FGFR2: variants seen among roughly 807,000 people sequenced by gnomAD.
The protein encoded by FGFR2 is BEK fibroblast growth factor receptor.
Under a neutral mutation model 95.9 loss-of-function variants are expected in FGFR2, and 19 were observed. The observed-to-expected ratio is 0.20, with a 90% confidence interval of 0.14 to 0.29. FGFR2 has a LOEUF of 0.29. FGFR2 is among the 10% of genes least tolerant of loss of function. The pLI is 1.00. For synonymous variants in FGFR2, 392 were observed against 393.3 expected (o/e 1.00, Z 0.04); for missense variants, 707 against 1,056.9 (o/e 0.67, Z 4.59).
chr10:121,483,932 A>AT (rs1422720695), intron 16 of FGFR2, 129 bp from the exon 17 acceptor site: 4 of 702,700 alleles, frequency 5.7e-6, no homozygotes, highest in Non-Finnish European at 1.0e-5. Flanking sequence ...AAGCAACTAG[A>AT]TTAGGGGGTC....
At chr10:121,482,818 A>G (rs1160904563) in intron 17 of FGFR2, among the ~76,000 whole-genome samples, 1 of 152,164 alleles carries the variant, frequency 6.6e-6, no homozygotes, top group African/African-American at 2.4e-5. Context: ...TTTCTTTTTG[A>G]GATGAAGTCT....
intron 2 of FGFR2, among the ~76,000 whole-genome samples, chr10:121,587,727 A>C (rs1382389077): frequency 6.6e-6 from 1 of 152,232 alleles, no homozygotes; most frequent in Non-Finnish European, 1.5e-5. Flanking sequence ...GCTATTAATA[A>C]AACGTCAAAA....
At chr10:121,533,079 A>G (rs949212052) in intron 6 of FGFR2, among the ~76,000 whole-genome samples, 1 of 152,160 alleles carries the variant, frequency 6.6e-6, no homozygotes, top group African/African-American at 2.4e-5. Context: ...CAGGGGGAAC[A>G]AATTTCTGGA....
rs145242041 is a variant in FGFR2 at position 121,497,423 on chromosome 10, T to G, written c.1673-701A>C. 1.6e-3 allele frequency among the ~76,000 whole-genome samples: 248 copies of G among 152,338 alleles called. 1 individual carries two copies. Among genetic ancestry groups the G allele is most frequent in the African/African-American group, 5.2e-3 (218 of 41,580 alleles). ...ATAAATGAATAATAAAGCTCTTAGA[T>G]CTTTGCAACATTTTTTACCCATACA... On this transcript the variant is annotated intron_variant, in intron 12 of 17. Transcript: ENST00000358487.
chr10:121,483,052 T>G (rs1427127651), intron 17 of FGFR2, among the ~76,000 whole-genome samples: 2 of 152,186 alleles, frequency 1.3e-5, no homozygotes, highest in Non-Finnish European at 2.9e-5. Context: ...CCTCCTCGGC[T>G]TCCCAAAATG....
chr10:121,559,391 G>A (rs963797246), intron 4 of FGFR2, among the ~76,000 whole-genome samples: 4 of 152,132 alleles, frequency 2.6e-5, no homozygotes, highest in African/African-American at 9.7e-5. Context: ...TAATGGCAAC[G>A]TCCCCTTTCC....
chr10:121,590,339 G>A (rs1862452155), intron 2 of FGFR2, among the ~76,000 whole-genome samples: 1 of 152,144 alleles, frequency 6.6e-6, no homozygotes, highest in Admixed American at 6.6e-5. Flanking sequence ...GAACTTGAAA[G>A]TAAGAGTTGC....
intron 6 of FGFR2, among the ~76,000 whole-genome samples, chr10:121,532,843 G>A (rs1852275648): frequency 6.6e-6 from 1 of 152,202 alleles, no homozygotes; most frequent in Admixed American, 6.5e-5. Flanking sequence ...ACTTCGCTCT[G>A]GTACGGATTC....
chr10:121,517,472 C>T lies in FGFR2; in HGVS notation c.940-9G>A, dbSNP rs752752282. The T allele has an allele frequency of 5.0e-6, 8 of 1,614,082 alleles. No individual in the cohort carries two copies. The Admixed American group carries it at 1.0e-4, about 20-fold the overall frequency. On this transcript the variant is annotated splice_polypyrimidine_tract_variant and intron_variant, in intron 7 of 17. Coordinates refer to ENST00000358487, the MANE Select transcript of FGFR2 (RefSeq NM_000141.5). This position sits in a 1 kb window ranked among gnomAD's most constrained non-coding sequence, Gnocchi z 4.7. ...GTGTTAACACCGGCGGCCTAGAAAACAAGGGAAGCAAAAGAAAAGGCTAGA... is the reference window on the plus strand; with the variant it reads ...GTGTTAACACCGGCGGCCTAGAAAATAAGGGAAGCAAAAGAAAAGGCTAGA...
intron 2 of FGFR2, among the ~76,000 whole-genome samples, chr10:121,583,834 C>T (rs145405967): frequency 6.6e-6 from 1 of 152,056 alleles, no homozygotes; most frequent in East Asian, 1.9e-4. Context: ...AAGACCTGGG[C>T]CCACACTCAC....
intron 2 of FGFR2, among the ~76,000 whole-genome samples, chr10:121,585,259 G>A (rs1429317479): frequency 6.6e-6 from 1 of 152,204 alleles, no homozygotes; most frequent in Non-Finnish European, 1.5e-5. Flanking sequence ...ATAATAAAAA[G>A]GGTTGGACAA....
intron 9 of FGFR2, among the ~76,000 whole-genome samples, chr10:121,510,473 G>A (rs1848912481): frequency 6.6e-6 from 1 of 152,154 alleles, no homozygotes; most frequent in Non-Finnish European, 1.5e-5. Flanking sequence ...ATGTTTTCTG[G>A]AGCCGGTAAG....
chr10:121,483,476 T>G (rs1481517876), intron 17 of FGFR2, among the ~76,000 whole-genome samples: 2 of 152,188 alleles, frequency 1.3e-5, no homozygotes, highest in Non-Finnish European at 2.9e-5. Flanking sequence ...CTCGGGGATG[T>G]CCCTCTGTCT....
intron 6 of FGFR2, among the ~76,000 whole-genome samples, chr10:121,532,982 A>C (rs1446723641): frequency 6.6e-6 from 1 of 152,216 alleles, no homozygotes; most frequent in African/African-American, 2.4e-5. Flanking sequence ...TGCCTGACCC[A>C]TCCAGAAGTG....
In FGFR2 at chr10:121,546,058, C is replaced by T. The variant is rs73373517; in HGVS notation, c.624+5232G>A. Among the ~76,000 whole-genome samples the T allele has an allele frequency of 4.6e-3, 697 of 152,122 alleles. 3 individuals are homozygous for T. The highest frequency in any genetic ancestry group is 0.016 in the African/African-American group (681 of 41,500). Reference sequence around the variant, plus strand: ...GAACCCCCTATGCCTAAATAATTACCTACGAAGGAGGTGAGAATTGAGGTG... The same window carrying T: ...GAACCCCCTATGCCTAAATAATTACTTACGAAGGAGGTGAGAATTGAGGTG... On this transcript the variant is annotated intron_variant, in intron 5 of 17. Coordinates refer to ENST00000358487, the MANE Select transcript of FGFR2 (RefSeq NM_000141.5).
intron 6 of FGFR2, among the ~76,000 whole-genome samples, chr10:121,523,894 T>C (rs186032038): frequency 2.6e-4 from 39 of 152,350 alleles, no homozygotes; most frequent in Admixed American, 1.8e-3. Context: ...ACATTGTGCA[T>C]GCAGTACCAA....
intron 4 of FGFR2, among the ~76,000 whole-genome samples, chr10:121,552,284 A>G (rs1165949226): frequency 6.6e-6 from 1 of 152,244 alleles, no homozygotes; most frequent in Non-Finnish European, 1.5e-5. Context: ...AAGCCACAAC[A>G]TCAAGCCAGA....
At position 121,551,283 on chromosome 10, in the gene FGFR2, A is replaced by T. The variant is rs1306819819; in HGVS notation, c.624+7T>A. On this transcript the variant is annotated splice_region_variant and intron_variant, in intron 5 of 17. Transcript: ENST00000358487. ...AGAAATGTGATGTTCTGAAAGCTTA[A>T]TTCTACCTTGTAGCCTCCAATGCGA... is the stretch of plus-strand genomic sequence containing the variant. 1.2e-6 allele frequency: 2 copies of T among 1,614,032 alleles called. No individual in the cohort carries two copies. Among genetic ancestry groups the T allele is most frequent in the Non-Finnish European group, 1.7e-6 (2 of 1,179,986 alleles).
intron 12 of FGFR2, among the ~76,000 whole-genome samples, chr10:121,497,508 C>A (rs1847030518): frequency 6.6e-6 from 1 of 152,266 alleles, no homozygotes; most frequent in South Asian, 2.1e-4. Flanking sequence ...CTTTTCACAG[C>A]TGCATATACT....
Sources: allele counts gnomAD v4.1 joint callset (sites outside exome capture counted in the v4.1 genomes callset), GRCh38; gene constraint gnomAD v4.1.1; non-coding constraint Gnocchi (gnomAD v3.1); transcripts MANE v1.5; gene names NCBI Gene and HGNC (gene_info 2026-07-23, HGNC 2026-07-21).